The following EIF2A variants were observed in gnomAD, a reference collection of about 807,000 sequenced individuals.
EIF2A encodes the protein 65 kDa eukaryotic translation initiation factor 2A.
A neutral mutation model predicts 75.2 loss-of-function variants in EIF2A; 62 were observed. The ratio of observed to expected loss-of-function variants is 0.82; its 90% CI spans 0.67 to 1.02. EIF2A has a LOEUF of 1.02. Ranked by LOEUF, EIF2A falls within the 50% of genes least tolerant of loss-of-function variation. EIF2A has a pLI of 0.00. For missense variants in EIF2A, 611 were observed against 677.7 expected, an observed-to-expected ratio of 0.90 and a Z score of 1.09; for synonymous variants, 207 against 239.0, an observed-to-expected ratio of 0.87 and a Z score of 1.23.
At chr3:150,553,279 G>A (rs1723403166) in intron 2 of EIF2A, among the ~76,000 whole-genome samples, 1 of 149,290 alleles carries the variant, frequency 6.7e-6, no homozygotes, top group South Asian at 2.1e-4. Context: ...GCCAAAATCA[G>A]GGCATTGCAC....
chr3:150,577,367 C>T (rs935824302), intron 11 of EIF2A, among the ~76,000 whole-genome samples: 7 of 152,062 alleles, frequency 4.6e-5, no homozygotes, highest in African/African-American at 1.4e-4. Flanking sequence ...TTTTGAGACA[C>T]TCTGTCTCAC....
intron 2 of EIF2A, among the ~76,000 whole-genome samples, chr3:150,555,146 C>T (rs1300431466): frequency 1.3e-5 from 2 of 152,066 alleles, no homozygotes; most frequent in East Asian, 1.9e-4. Flanking sequence ...CCAGGCTGCT[C>T]TCCAACTCCT....
In EIF2A at chr3:150,563,545, A is replaced by G. The variant is rs961314357; in HGVS notation, c.323A>G (p.Asn108Ser). Residue 108 changes from asparagine to serine, a missense_variant, in exon 5 of 14, where the codon AAC becomes AGC. Physicochemically the swap from Asn to Ser is conservative, Grantham distance 46. Transcript: ENST00000460851. ...AAAGATGGCACAGCTGGGATACCCA[A>G]CCTACAACTTTATGATGTGAAAACT... Reference protein sequence around the residue: ...TSKDGTAGIPNLQLYDVKTGT... With the variant: ...TSKDGTAGIPSLQLYDVKTGT... 7 of 1,547,060 alleles carry G rather than the reference A, an allele frequency of 4.5e-6. No individual in the cohort carries two copies. The highest frequency in any genetic ancestry group is 6.1e-6 in the Non-Finnish European group (7 of 1,146,302).
chr3:150,582,841 T>G (rs1725268399), intron 12 of EIF2A, among the ~76,000 whole-genome samples: 1 of 152,190 alleles, frequency 6.6e-6, no homozygotes, highest in Admixed American at 6.6e-5. Flanking sequence ...CGGGCAGGAC[T>G]TTGGACCAAC....
rs1248216372 is a variant in EIF2A, at chr3:150,578,280, GATT to G, written c.1497+2521_1497+2523del. Among the ~76,000 whole-genome samples, 4 of 147,996 alleles carry G rather than the reference GATT, an allele frequency of 2.7e-5. No homozygotes were observed. In the East Asian group the frequency reaches 5.8e-4, roughly 22 times the overall value. Reference sequence around the variant, plus strand: ...AATAATTACTTACATAATTACATATGATTATAATTATTAATAATTATAACCATT... The same window carrying G: ...AATAATTACTTACATAATTACATATGATAATTATTAATAATTATAACCATT... On this transcript the variant is annotated intron_variant, in intron 11 of 13. Transcript: ENST00000460851.
At chr3:150,564,074 C>T (rs1260784170) in intron 5 of EIF2A, among the ~76,000 whole-genome samples, 2 of 152,192 alleles carry the variant, frequency 1.3e-5, no homozygotes, top group Admixed American at 6.5e-5. Flanking sequence ...CTGCCTTGGC[C>T]TCCCAAAGTG....
chr3:150,582,000 C>T (rs1725209034), intron 12 of EIF2A, among the ~76,000 whole-genome samples: 1 of 152,010 alleles, frequency 6.6e-6, no homozygotes, highest in African/African-American at 2.4e-5. Flanking sequence ...TAGAAATATA[C>T]TGAACACTTT....
chr3:150,564,577 A>T (rs928275322), intron 6 of EIF2A, 196 bp downstream of exon 6: 4 of 397,484 alleles, frequency 1.0e-5, no homozygotes, highest in Non-Finnish European at 1.3e-5. Context: ...CTTTTACAAT[A>T]ACTTTTTATT....
intron 1 of EIF2A, 94 bp from the exon 2 acceptor site, chr3:150,552,262 T>C: frequency 1.0e-6 from 1 of 1,001,078 alleles, no homozygotes; most frequent in South Asian, 1.5e-5. Context: ...TTCATTAATA[T>C]TTTGACTAAA....
chr3:150,569,707 C>G (rs1724393990), intron 9 of EIF2A, among the ~76,000 whole-genome samples: 1 of 151,720 alleles, frequency 6.6e-6, no homozygotes, highest in Admixed American at 6.6e-5. Flanking sequence ...CCTAGCTACT[C>G]GGGAGGCTGA....
chr3:150,551,354 G>T (rs1287291637), intron 1 of EIF2A, among the ~76,000 whole-genome samples: 1 of 151,970 alleles, frequency 6.6e-6, no homozygotes, highest in Non-Finnish European at 1.5e-5. Context: ...TAGTTTGTTC[G>T]TTTTTTTCCC....
At chr3:150,547,833 C>T (rs1303576699) in intron 1 of EIF2A, among the ~76,000 whole-genome samples, 1 of 152,062 alleles carries the variant, frequency 6.6e-6, no homozygotes, top group Non-Finnish European at 1.5e-5. Flanking sequence ...TATCAAACGC[C>T]GAGTATAATC....
chr3:150,577,318 G>A (rs931366531), intron 11 of EIF2A, among the ~76,000 whole-genome samples: 7 of 152,020 alleles, frequency 4.6e-5, no homozygotes, highest in Non-Finnish European at 8.8e-5. Context: ...TCAGACTGTA[G>A]CAGTGGGGTA....
At chr3:150,572,643 T>G in intron 10 of EIF2A, 114 bp downstream of exon 10, 1 of 1,050,380 alleles carries the variant, frequency 9.5e-7, no homozygotes, top group Non-Finnish European at 1.4e-6. Context: ...TCACTTGAGG[T>G]CAGGAGTTTG....
At position 150,572,620 on chromosome 3, in the gene EIF2A, C is replaced by T. The variant is rs539350714; in HGVS notation, c.1383+91C>T. The T allele has an allele frequency of 2.1e-4, 266 of 1,273,494 alleles. No homozygotes were observed. In the African/African-American group the frequency reaches 2.8e-3, roughly 14 times the overall value. The allele number at this position is 1,273,494 out of a possible 1,614,324, so 78.9% of individuals were successfully genotyped here. ...CCGTAATCCCAGCACTTCGGGAGGC[C>T]GAGGCGGGAGGATCACTTGAGGTCA... is the stretch of plus-strand genomic sequence containing the variant. On this transcript the variant is annotated intron_variant, in intron 10 of 13. Transcript: ENST00000460851.
chr3:150,566,717 G>T (rs910634001), intron 6 of EIF2A: 9 of 151,916 alleles, frequency 5.9e-5, no homozygotes, highest in African/African-American at 1.9e-4. Flanking sequence ...TATTCATTTG[G>T]TTTGTTCCAC....
Position 150,553,725 on chromosome 3 carries a change from T to G in EIF2A, c.98+1300T>G, listed in dbSNP as rs1002164420. On this transcript the variant is annotated intron_variant, in intron 2 of 13. Transcript: ENST00000460851. ...CATGCCTGGCCTAATAGTTTTCTTTTTAACTGAAAGTTGATATTGTCATTT... is the reference window on the plus strand; with the variant it reads ...CATGCCTGGCCTAATAGTTTTCTTTGTAACTGAAAGTTGATATTGTCATTT... Among the ~76,000 whole-genome samples the G allele has an allele frequency of 2.6e-5, 4 of 152,330 alleles. 1 individual carries two copies.
At chr3:150,554,040 TGTACAAGTTGAG>T (rs1576588118) in intron 2 of EIF2A, among the ~76,000 whole-genome samples, 2 of 152,238 alleles carry the variant, frequency 1.3e-5, no homozygotes, top group East Asian at 3.9e-4. Flanking sequence ...GGACAGAAAA[TGTACAAGTTGAG>T]GTAGCAACTT....
chr3:150,557,391 G>A (rs1049542391), intron 2 of EIF2A, among the ~76,000 whole-genome samples: 8 of 152,064 alleles, frequency 5.3e-5, no homozygotes, highest in African/African-American at 1.9e-4. Flanking sequence ...AGCTGTTTAT[G>A]TGGGAAAGAT....
Sources: allele counts gnomAD v4.1 joint callset (sites outside exome capture counted in the v4.1 genomes callset), GRCh38; gene constraint gnomAD v4.1.1; transcripts MANE v1.5; gene names NCBI Gene and HGNC (gene_info 2026-07-23, HGNC 2026-07-21).